The following RESF1 variants were observed in gnomAD, a reference collection of about 807,000 sequenced individuals.
The protein encoded by RESF1 is retroelement silencing factor 1, also known as gonad expressed transcript.
In RESF1, 65 loss-of-function variants were observed where a neutral mutation model predicts 134.7. The observed-to-expected ratio is 0.48, with a 90% CI of 0.40 to 0.59. RESF1 has a LOEUF of 0.59. Among genes scored for constraint, RESF1 ranks in the 20% least tolerant of loss-of-function variants. The pLI is 0.00. For synonymous variants in RESF1, 762 were observed against 702.2 expected (o/e 1.09, Z -1.35); for missense variants, 2,274 against 2,002.7 (o/e 1.14, Z -2.59).
chr12:31,990,902 G>T (rs1940081099), intron 5 of RESF1, among the ~76,000 whole-genome samples: 1 of 152,174 alleles, frequency 6.6e-6, no homozygotes, highest in Admixed American at 6.6e-5. Flanking sequence ...CTGCTATAAA[G>T]AAACATACAT....
chr12:31,963,506 C>G (rs1939328467), intron 2 of RESF1, among the ~76,000 whole-genome samples: 1 of 152,186 alleles, frequency 6.6e-6, no homozygotes, highest in Non-Finnish European at 1.5e-5. Context: ...GCAGCCCTGA[C>G]ATCTCCAGAT....
chr12:31,976,837 C>CAA (rs1380667744), intron 3 of RESF1, among the ~76,000 whole-genome samples: 4 of 152,070 alleles, frequency 2.6e-5, no homozygotes, highest in Middle Eastern at 3.2e-3. Context: ...GTAGCATAGA[C>CAA]AAAAGAAAAT....
At position 31,985,945 on chromosome 12, in the gene RESF1, G is replaced by A; in HGVS notation, c.4990G>A (p.Ala1664Thr). The A allele has an allele frequency of 6.7e-7, 1 of 1,484,880 alleles. No individual in the cohort carries two copies. Among genetic ancestry groups the A allele is most frequent in the African/African-American group, 1.4e-5 (1 of 69,874 alleles). 92.0% of individuals were successfully genotyped at this position (1,484,880 alleles called of 1,614,324 possible). A position where few individuals can be genotyped will look rare whatever the true frequency, so the allele number is the denominator to read the frequency against. The change falls in exon 4 of 6, where the codon GCC becomes ACC. Residue 1664 changes from alanine to threonine, a missense_variant. Ala to Thr is a moderately conservative substitution (Grantham distance 58, BLOSUM62 0). Transcript: ENST00000312561. ...AAAGCCTCATCCTAGGAAGGAGCAA[G>A]CCCCTCTGCAAGGTCCAGTATGATT... ...DVKPHPRKEQ[A>T]PLQVSGIKST...
At chr12:31,969,840 C>G (rs1939470067) in intron 2 of RESF1, among the ~76,000 whole-genome samples, 1 of 152,206 alleles carries the variant, frequency 6.6e-6, no homozygotes, top group Non-Finnish European at 1.5e-5. Context: ...ATCTGCCTGC[C>G]TTGGCCTCCC....
Position 31,983,748 on chromosome 12 carries a change from G to T in RESF1, c.2793G>T (p.Gln931His), listed in dbSNP as rs1166981145. The T allele has an allele frequency of 1.9e-6, 3 of 1,613,646 alleles. No individual in the cohort carries two copies. Among genetic ancestry groups the T allele is most frequent in the Non-Finnish European group, 2.5e-6 (3 of 1,180,008 alleles). ...VEPQKPSLPN[Q>H]QGIGSREPEK... ...CACAGAAACCTTCTCTACCCAATCA[G>T]CAAGGGATTGGCAGCAGAGAACCAG... Residue 931 changes from glutamine (Q) to histidine (H), a missense_variant, in exon 4 of 6, where the codon CAG becomes CAT. Transcript: ENST00000312561.
At chr12:31,972,182 G>A (rs746185577) in intron 3 of RESF1, among the ~76,000 whole-genome samples, 2 of 152,146 alleles carry the variant, frequency 1.3e-5, no homozygotes, top group Non-Finnish European at 2.9e-5. Context: ...CTGATAAGGT[G>A]TTTCCCTGAG....
Position 31,981,406 on chromosome 12 carries a change from G to T in RESF1, c.451G>T (p.Ala151Ser), listed in dbSNP as rs1378742994. ...DFGANVPNMP[A>S]LQSQLITSDT... The stretch of plus-strand genomic sequence containing the variant: ...TGGAGCTAACGTACCCAATATGCCG[G>T]CACTACAGAGTCAACTGATAACATC... Residue 151 changes from alanine to serine, a missense_variant, in exon 4 of 6, where the codon GCA becomes TCA. Physicochemically the swap from Ala to Ser is moderately conservative, Grantham distance 99. Coordinates refer to ENST00000312561, the MANE Select transcript of RESF1 (RefSeq NM_018169.4). 1.9e-6 allele frequency: 3 copies of T among 1,613,876 alleles called. No homozygotes were observed. Among genetic ancestry groups the T allele is most frequent in the Middle Eastern group, 1.6e-4 (1 of 6,082 alleles).
chr12:31,975,049 C>T (rs1939599358), intron 3 of RESF1, among the ~76,000 whole-genome samples: 1 of 151,220 alleles, frequency 6.6e-6, no homozygotes, highest in South Asian at 2.1e-4. Flanking sequence ...CCAAGGCAGG[C>T]AGATCATGAG....
chr12:31,970,057 G>C (rs2120788254), intron 2 of RESF1, 132 bp from the exon 3 acceptor site: 2 of 152,170 alleles, frequency 1.3e-5, no homozygotes, highest in South Asian at 4.2e-4. Flanking sequence ...GAAGCTGCTG[G>C]GTTGACAACT....
In RESF1 at chr12:31,985,625, A is replaced by G. The variant is rs1939953879; in HGVS notation, c.4670A>G (p.Lys1557Arg). 1 of 1,609,308 alleles carries G rather than the reference A, an allele frequency of 6.2e-7. No homozygotes were observed. The highest frequency in any genetic ancestry group is 8.5e-7 in the Non-Finnish European group (1 of 1,178,958). ...TGGATTGATAAGACTAAATTAGACA[A>G]ATTAACCAATATAAGCAACGAAGCT... ...KIWIDKTKLDKLTNISNEAQF... is the reference protein window; with the variant it reads ...KIWIDKTKLDRLTNISNEAQF... The change falls in exon 4 of 6, where the codon AAA becomes AGA. Residue 1557 changes from lysine (K) to arginine (R), a missense_variant. Coordinates refer to ENST00000312561, the MANE Select transcript of RESF1 (RefSeq NM_018169.4).
rs1939905213 is a variant in RESF1, at chr12:31,984,461, A to T, written c.3506A>T (p.Asp1169Val). 1 of 1,614,000 alleles carries T rather than the reference A, an allele frequency of 6.2e-7. No individual in the cohort carries two copies. Among genetic ancestry groups the T allele is most frequent in the Non-Finnish European group, 8.5e-7 (1 of 1,179,970 alleles). Residue 1169 changes from aspartate to valine, a missense_variant, in exon 4 of 6, where the codon GAT becomes GTT. Coordinates refer to ENST00000312561, the MANE Select transcript of RESF1 (RefSeq NM_018169.4). ...DSVILDSEKDDIHCCALGWLS... is the reference protein window; with the variant it reads ...DSVILDSEKDVIHCCALGWLS... Reference sequence around the variant, plus strand: ...GTGATACTGGACTCTGAGAAAGATGATATCCACTGCTGTGCATTGGGCTGG... The same window carrying T: ...GTGATACTGGACTCTGAGAAAGATGTTATCCACTGCTGTGCATTGGGCTGG...
At chr12:31,992,226 A>G (rs192332805) in intron 5 of RESF1, 152 bp from the exon 6 acceptor site, 35 of 678,528 alleles carry the variant, frequency 5.2e-5, no homozygotes, top group East Asian at 1.6e-4. Context: ...TTACAATTCT[A>G]TAAGTGAAGA....
intron 3 of RESF1, among the ~76,000 whole-genome samples, chr12:31,979,218 C>T (rs553485221): frequency 7.2e-4 from 109 of 152,326 alleles, no homozygotes; most frequent in African/African-American, 2.5e-3. Context: ...CTGCACCTGG[C>T]CCCACAGTAC....
chr12:31,973,620 C>T (rs775358922), intron 3 of RESF1, among the ~76,000 whole-genome samples: 15 of 151,852 alleles, frequency 9.9e-5, no homozygotes, highest in Non-Finnish European at 1.6e-4. Flanking sequence ...TAGGTCGTTC[C>T]GGAGTGCTTT....
At chr12:31,967,509 A>G (rs555172866) in intron 2 of RESF1, among the ~76,000 whole-genome samples, 40 of 152,186 alleles carry the variant, frequency 2.6e-4, no homozygotes, top group Non-Finnish European at 4.3e-4. Flanking sequence ...TATAGACATG[A>G]TGGGATGGGA....
At position 31,984,557 on chromosome 12, in the gene RESF1, A is replaced by G; in HGVS notation, c.3602A>G (p.Glu1201Gly). ...NSIKNSSSEE[E>G]KQKEQCSPLD... ...ATCAAGAACTCATCTTCAGAGGAAGAGAAACAAAAAGAGCAGTGTTCTCCT... is the reference window on the plus strand; with the variant it reads ...ATCAAGAACTCATCTTCAGAGGAAGGGAAACAAAAAGAGCAGTGTTCTCCT... Residue 1201 changes from glutamate to glycine, a missense_variant, in exon 4 of 6, where the codon GAG (glutamate) becomes GGG (glycine). Coordinates refer to ENST00000312561, the MANE Select transcript of RESF1 (RefSeq NM_018169.4). 6.3e-7 allele frequency: 1 copy of G among 1,586,792 alleles called. No homozygotes were observed. The highest frequency in any genetic ancestry group is 8.6e-7 in the Non-Finnish European group (1 of 1,168,426).
Position 31,982,168 on chromosome 12 carries a change from CAG to C in RESF1, c.1215_1216del (p.Lys406ValfsTer9), listed in dbSNP as rs775611936. 14 of 1,611,366 alleles carry C rather than the reference CAG, an allele frequency of 8.7e-6. No homozygotes were observed. The highest frequency in any genetic ancestry group is 1.7e-5 in the Admixed American group (1 of 59,368). On this transcript the variant is annotated frameshift_variant, in exon 4 of 6. Transcript: ENST00000312561. LOFTEE classifies it high-confidence loss of function. ...RDIKTLVEIK[Q>X]KFSELARKIK... is the part of the protein sequence containing the mutation. ...TATTAAAACATTAGTAGAGATAAAACAGAAGTTTTCAGAACTTGCAAGGAAAA... is the reference window on the plus strand; with the variant it reads ...TATTAAAACATTAGTAGAGATAAAACAAGTTTTCAGAACTTGCAAGGAAAA...
chr12:31,987,173 C>T, intron 4 of RESF1, 66 bp from the exon 5 acceptor site: 2 of 855,974 alleles, frequency 2.3e-6, no homozygotes, highest in African/African-American at 1.7e-5. Context: ...CATGATTTTC[C>T]TTTGTTATAG....
chr12:31,986,787 G>A (rs567672782), intron 4 of RESF1, among the ~76,000 whole-genome samples: 1 of 152,198 alleles, frequency 6.6e-6, no homozygotes, highest in Non-Finnish European at 1.5e-5. Flanking sequence ...GACTATATTT[G>A]TTGGGGTTCA....
Sources: gnomAD v4.1 joint callset for allele counts (sites outside exome capture counted in the v4.1 genomes callset) on GRCh38, gnomAD v4.1.1 for gene constraint, MANE v1.5 for transcripts, NCBI Gene and HGNC (gene_info 2026-07-23, HGNC 2026-07-21) for gene names.